The following FNIP2 variants were observed in gnomAD, a reference collection of about 807,000 sequenced individuals.
The protein encoded by FNIP2 is folliculin-interacting protein 2.
A neutral mutation model predicts 108.7 loss-of-function variants in FNIP2; 32 were observed. The observed-to-expected ratio is 0.29, with a 90% CI of 0.22 to 0.40. The LOEUF (loss-of-function observed/expected upper bound fraction) is 0.40. FNIP2 is among the 10% of genes least tolerant of loss of function. The pLI is 1.00. For synonymous variants in FNIP2, 480 were observed against 496.7 expected, an observed-to-expected ratio of 0.97 and a Z score of 0.45; for missense variants, 1,202 against 1,381.6, an observed-to-expected ratio of 0.87 and a Z score of 2.06.
chr4:158,859,495 A>G lies in FNIP2; in HGVS notation c.1060-83A>G, dbSNP rs901148330. The G allele has an allele frequency of 4.9e-6, 6 of 1,227,784 alleles. No individual in the cohort carries two copies. The African/African-American group carries it at 7.6e-5, about 16-fold the overall frequency. 76.1% of individuals were successfully genotyped at this position (1,227,784 alleles called of 1,614,324 possible). A position where few individuals can be genotyped will look rare whatever the true frequency, so the allele number is the denominator to read the frequency against. Reference sequence around the variant, plus strand: ...ACCTTGAGTGTTGTTAATTGATTACATAATTTTTTTTATTAATACAGCCCA... The same window carrying G: ...ACCTTGAGTGTTGTTAATTGATTACGTAATTTTTTTTATTAATACAGCCCA... On this transcript the variant is annotated intron_variant, in intron 9 of 16. Transcript: ENST00000264433.
In FNIP2 at chr4:158,868,378, C is replaced by T. The variant is rs1317468486; in HGVS notation, c.1742C>T (p.Pro581Leu). 1 of 1,614,010 alleles carries T rather than the reference C, an allele frequency of 6.2e-7. No individual in the cohort carries two copies. Among genetic ancestry groups the T allele is most frequent in the Non-Finnish European group, 8.5e-7 (1 of 1,179,898 alleles). Residue 581 changes from proline (P) to leucine (L), a missense_variant, in exon 13 of 17, where the codon CCC (proline) becomes CTC (leucine). Pro to Leu is a moderately conservative substitution (Grantham distance 98). Around this residue, in one of 5 missense-constraint regions of FNIP2, gnomAD observed 878 missense variants for 990.3 expected, o/e 0.89. Transcript: ENST00000264433. This position sits in a 1 kb window ranked among gnomAD's most constrained non-coding sequence, Gnocchi z 4.6. ...AGGAACGAGCCCGCTCTTGTACCCC[C>T]CATCCTACCACCAACAGCAGCAGAG... ...TVRNEPALVP[P>L]ILPPTAAERH...
Position 158,831,421 on chromosome 4 carries a change from G to A in FNIP2, c.382-440G>A, listed in dbSNP as rs1231517053. 2.0e-5 allele frequency among the ~76,000 whole-genome samples: 3 copies of A among 152,202 alleles called. No homozygotes were observed. The East Asian group carries it at 5.8e-4, about 29-fold the overall frequency. On this transcript the variant is annotated intron_variant, in intron 3 of 16. Transcript: ENST00000264433. ...TTTGGGCCCTCATAAAACCCTATCT[G>A]CAGCAATGGGCATTTTTTATTCCAC...
intron 1 of FNIP2, among the ~76,000 whole-genome samples, chr4:158,808,117 C>A (rs1396538734): frequency 6.6e-6 from 1 of 152,120 alleles, no homozygotes; most frequent in Non-Finnish European, 1.5e-5. Context: ...ATGTAATTGG[C>A]TCGGATTATT....
chr4:158,795,006 C>T (rs1479394169), intron 1 of FNIP2, among the ~76,000 whole-genome samples: 2 of 152,190 alleles, frequency 1.3e-5, no homozygotes, highest in Admixed American at 1.3e-4. Context: ...GGAAATTCCT[C>T]TATCATAAAT....
At chr4:158,823,947 G>A (rs1005476668) in intron 1 of FNIP2, among the ~76,000 whole-genome samples, 4 of 152,156 alleles carry the variant, frequency 2.6e-5, no homozygotes, top group Non-Finnish European at 5.9e-5. Context: ...AGGAGGAAAG[G>A]ATGCTGGGCG....
In FNIP2 at chr4:158,769,178, C is replaced by G. The variant is rs755203757; in HGVS notation, c.-35C>G. On this transcript the variant is annotated 5_prime_UTR_variant, in exon 1 of 17. Coordinates refer to ENST00000264433, the MANE Select transcript of FNIP2 (RefSeq NM_020840.3). ...GGCTGCGCGCTGAGCCGCCGGCCCCCCGAGCGCCACGGCCGGAGCTGCGGC... is the reference window on the plus strand; with the variant it reads ...GGCTGCGCGCTGAGCCGCCGGCCCCGCGAGCGCCACGGCCGGAGCTGCGGC... 1.0e-5 allele frequency: 12 copies of G among 1,201,700 alleles called. No homozygotes were observed. Among genetic ancestry groups the G allele is most frequent in the South Asian group, 5.0e-5 (3 of 60,570 alleles). 74.4% of individuals were successfully genotyped at this position (1,201,700 alleles called of 1,614,324 possible).
At position 158,868,071 on chromosome 4, in the gene FNIP2, C is replaced by T; in HGVS notation, c.1466-31C>T. The T allele has an allele frequency of 6.2e-7, 1 of 1,605,482 alleles. No individual in the cohort carries two copies. The highest frequency in any genetic ancestry group is 1.3e-5 in the African/African-American group (1 of 74,814). On this transcript the variant is annotated intron_variant, in intron 12 of 16. Coordinates refer to ENST00000264433, the MANE Select transcript of FNIP2 (RefSeq NM_020840.3). This position sits in a 1 kb window ranked among gnomAD's most constrained non-coding sequence, Gnocchi z 4.6. The stretch of plus-strand genomic sequence containing the variant: ...TCTGTGACATGCTAACCCCAGAGAC[C>T]ACTGCCTTTGTGTCCACCTTTGCTC...
chr4:158,823,786 C>G (rs199743144), intron 1 of FNIP2, among the ~76,000 whole-genome samples: 1 of 152,186 alleles, frequency 6.6e-6, no homozygotes, highest in Non-Finnish European at 1.5e-5. Context: ...CATTTACAAG[C>G]TGAACAACTG....
rs769245388 is a variant in FNIP2 at position 158,769,277 on chromosome 4, C to T, written c.65C>T (p.Ala22Val). The T allele has an allele frequency of 2.2e-5, 34 of 1,542,474 alleles. No individual in the cohort carries two copies. The East Asian group carries it at 6.6e-4, about 30-fold the overall frequency. ...KRGSSGSSAA[A>V]SAQGRAPKEG... is the part of the protein sequence containing the mutation. ...GGCAGCAGCGGCAGCTCCGCGGCGGCGTCTGCCCAGGGCAGGGCTCCTAAG... is the reference window on the plus strand; with the variant it reads ...GGCAGCAGCGGCAGCTCCGCGGCGGTGTCTGCCCAGGGCAGGGCTCCTAAG... Residue 22 changes from alanine to valine, a missense_variant, in exon 1 of 17, where the codon GCG (alanine) becomes GTG (valine). Coordinates refer to ENST00000264433, the MANE Select transcript of FNIP2 (RefSeq NM_020840.3).
chr4:158,806,874 C>T (rs1012754255), intron 1 of FNIP2, among the ~76,000 whole-genome samples: 1 of 152,084 alleles, frequency 6.6e-6, no homozygotes, highest in Non-Finnish European at 1.5e-5. Flanking sequence ...GCAGGGTGGT[C>T]GGGGTGACCC....
intron 6 of FNIP2, chr4:158,834,352 C>T (rs1778675773): frequency 8.2e-6 from 1 of 121,766 alleles, no homozygotes; most frequent in South Asian, 2.9e-4. Context: ...AGTGTAAATA[C>T]AATTTCTAGG....
At chr4:158,843,625 G>C (rs1779241933) in intron 7 of FNIP2, among the ~76,000 whole-genome samples, 1 of 152,212 alleles carries the variant, frequency 6.6e-6, no homozygotes, top group African/African-American at 2.4e-5. Flanking sequence ...GCTGAGACTT[G>C]AATGGCAGTA....
intron 6 of FNIP2, chr4:158,835,154 C>A: frequency 5.1e-6 from 1 of 197,010 alleles, no homozygotes; most frequent in Non-Finnish European, 1.0e-5. Flanking sequence ...AAGAGTTGAA[C>A]ATCACTCAGA....
At position 158,868,719 on chromosome 4, in the gene FNIP2, C is replaced by T. The variant is rs1281033750; in HGVS notation, c.2083C>T (p.Pro695Ser). ...LLKVEMPTRLPDRSVAWPCPD... is the reference protein window; with the variant it reads ...LLKVEMPTRLSDRSVAWPCPD... ...GAAAGTGGAGATGCCTACAAGACTG[C>T]CAGACCGGTCAGTGGCCTGGCCTTG... The change falls in exon 13 of 17, where the codon CCA becomes TCA. Residue 695 changes from proline (P) to serine (S), a missense_variant. This residue lies in a region of FNIP2 where 878 missense variants were observed against 990.3 expected (regional missense o/e 0.89). Transcript: ENST00000264433. The surrounding 1 kb of genome is among the most constrained non-coding windows in gnomAD (Gnocchi z 4.6). The T allele has an allele frequency of 6.2e-7, 1 of 1,614,014 alleles. No homozygotes were observed. Among genetic ancestry groups the T allele is most frequent in the Non-Finnish European group, 8.5e-7 (1 of 1,179,898 alleles).
intron 14 of FNIP2, chr4:158,871,674 G>A (rs1174858992): frequency 1.3e-5 from 13 of 985,192 alleles, no homozygotes; most frequent in Non-Finnish European, 1.6e-5. Context: ...CCCCTGCTTT[G>A]TGGTCACATG....
intron 13 of FNIP2, among the ~76,000 whole-genome samples, chr4:158,869,734 GT>G (rs1780823662): frequency 6.6e-6 from 1 of 152,186 alleles, no homozygotes; most frequent in Non-Finnish European, 1.5e-5. Flanking sequence ...GGAATAGGGA[GT>G]TTAATTTTCT....
At chr4:158,846,783 G>T (rs962113345) in intron 7 of FNIP2, among the ~76,000 whole-genome samples, 1 of 152,128 alleles carries the variant, frequency 6.6e-6, no homozygotes, top group Non-Finnish European at 1.5e-5. Flanking sequence ...CTCTCTGCAG[G>T]AACCCCAAAT....
intron 1 of FNIP2, among the ~76,000 whole-genome samples, chr4:158,819,283 T>G (rs1777747228): frequency 6.6e-6 from 1 of 152,208 alleles, no homozygotes; most frequent in African/African-American, 2.4e-5. Context: ...ACAAAAGGAA[T>G]AAAGGATTTA....
chr4:158,841,957 G>A lies in FNIP2; in HGVS notation c.727+6481G>A, dbSNP rs114244794. Among the ~76,000 whole-genome samples, 176 of 152,362 alleles carry A rather than the reference G, an allele frequency of 1.2e-3. 1 individual carries two copies. The highest frequency in any genetic ancestry group is 1.9e-3 in the Non-Finnish European group (132 of 68,040). ...ATTCTTCTTTTCACTGTCTATGTAA[G>A]TAATAAACTATCCAAATCTAAAAGT... On this transcript the variant is annotated intron_variant, in intron 7 of 16. Transcript: ENST00000264433.
Sources: allele counts gnomAD v4.1 joint callset (sites outside exome capture counted in the v4.1 genomes callset), GRCh38; gene constraint gnomAD v4.1.1; regional missense constraint gnomAD v4.1.1; non-coding constraint Gnocchi (gnomAD v3.1); transcripts MANE v1.5; gene names NCBI Gene and HGNC (gene_info 2026-07-23, HGNC 2026-07-21).